Variants in TRPM3 observed in about 807,000 individuals in gnomAD.
TRPM3 encodes the protein transient receptor potential cation channel subfamily M member 3.
In TRPM3, 77 loss-of-function variants were observed where a neutral mutation model predicts 181.2. The observed-to-expected ratio is 0.42, with a 90% confidence interval of 0.35 to 0.51. The LOEUF is 0.51. Ranked by LOEUF, TRPM3 falls within the 20% of genes least tolerant of loss-of-function variation. The pLI, the probability that TRPM3 is intolerant of heterozygous loss-of-function variation, is 0.01. For synonymous variants in TRPM3, 745 were observed against 796.4 expected, an observed-to-expected ratio of 0.94 and a Z score of 1.09; for missense variants, 1,759 against 2,196.7, an observed-to-expected ratio of 0.80 and a Z score of 3.98.
chr9:71,088,796 T>C (rs981905345), intron 1 of TRPM3, among the ~76,000 whole-genome samples: 4 of 151,952 alleles, frequency 2.6e-5, no homozygotes, highest in African/African-American at 9.7e-5. Flanking sequence ...TGAAAGACTC[T>C]CCATGATCCA....
At chr9:71,006,814 T>G (rs1189223887) in intron 1 of TRPM3, among the ~76,000 whole-genome samples, 20 of 142,046 alleles carry the variant, frequency 1.4e-4, no homozygotes, top group African/African-American at 5.3e-4. Flanking sequence ...GAGCTTGCAG[T>G]GAGCCGAGAT....
At chr9:70,591,665 C>A (rs2058134165) in intron 21 of TRPM3, among the ~76,000 whole-genome samples, 1 of 152,152 alleles carries the variant, frequency 6.6e-6, no homozygotes, top group African/African-American at 2.4e-5. Flanking sequence ...ATGCTGTAAA[C>A]CTCCTTTCTA....
chr9:71,168,814 G>A (rs781566320), intron 1 of TRPM3, among the ~76,000 whole-genome samples: 7 of 151,554 alleles, frequency 4.6e-5, no homozygotes, highest in Admixed American at 1.3e-4. Context: ...AATGAGTGAG[G>A]ATACCTGGGT....
intron 1 of TRPM3, among the ~76,000 whole-genome samples, chr9:71,133,973 TTGTGTGTGTG>T (rs72198070): frequency 0.16 from 23,222 of 148,472 alleles, 1,973 homozygotes; most frequent in Middle Eastern, 0.22. Flanking sequence ...CTGTGTGTGT[TTGTGTGTGTG>T]TGTGTGTGTG....
intron 22 of TRPM3, among the ~76,000 whole-genome samples, chr9:70,577,719 C>A (rs369883578): frequency 1.3e-5 from 2 of 152,158 alleles, no homozygotes; most frequent in South Asian, 2.1e-4. Flanking sequence ...ATGTAGACTC[C>A]TGATAGGGTT....
chr9:71,429,448 G>A (rs367675524), intron 1 of TRPM3, among the ~76,000 whole-genome samples: 1 of 152,112 alleles, frequency 6.6e-6, no homozygotes, highest in Admixed American at 6.6e-5. Context: ...AGAAATAAAT[G>A]ATTCAATATA....
chr9:70,640,890 CT>C (rs1454576408), intron 9 of TRPM3, among the ~76,000 whole-genome samples: 5 of 152,140 alleles, frequency 3.3e-5, no homozygotes, highest in African/African-American at 1.2e-4. Context: ...TTTTTAAAAA[CT>C]TTTTAAAAAG....
At chr9:70,616,741 G>A (rs768678650) in intron 17 of TRPM3, among the ~76,000 whole-genome samples, 8 of 152,036 alleles carry the variant, frequency 5.3e-5, no homozygotes, top group Non-Finnish European at 1.0e-4. Flanking sequence ...TGCTGAGAGA[G>A]TCCCCTTACA....
At chr9:71,161,587 G>A (rs1418046176) in intron 1 of TRPM3, among the ~76,000 whole-genome samples, 2 of 152,072 alleles carry the variant, frequency 1.3e-5, no homozygotes, top group African/African-American at 4.8e-5. Context: ...TCTAAGTGTG[G>A]GGTAACTGAA....
At position 70,640,485 on chromosome 9, in the gene TRPM3, A is replaced by G. The variant is rs1017872913; in HGVS notation, c.1446+75T>C. The G allele has an allele frequency of 1.9e-5, 22 of 1,146,000 alleles. No individual in the cohort carries two copies. In the African/African-American group the frequency reaches 2.9e-4, roughly 15 times the overall value. 71.0% of individuals were successfully genotyped at this position (1,146,000 alleles called of 1,614,324 possible). On this transcript the variant is annotated intron_variant, in intron 10 of 25. Transcript: ENST00000677713. ...GAAAAAGCAATCGTTTTCTGAGCTGACCTCAGAGGCTCCTTAAACAAATAC... is the reference window on the plus strand; with the variant it reads ...GAAAAAGCAATCGTTTTCTGAGCTGGCCTCAGAGGCTCCTTAAACAAATAC...
At chr9:70,686,447 GTTCT>G in intron 8 of TRPM3, among the ~76,000 whole-genome samples, 1 of 152,254 alleles carries the variant, frequency 6.6e-6, no homozygotes, top group African/African-American at 2.4e-5. Context: ...TCTGAGGGGA[GTTCT>G]TTAATTTATT....
chr9:71,106,818 G>A lies in TRPM3; in HGVS notation c.177+14360C>T, dbSNP rs147804113. ...ACAGGATAAAATGTTTCTCCACAAT[G>A]AGACAGTTTGCAAAGTTGTTTGGAT... On this transcript the variant is annotated intron_variant, in intron 1 of 25. Coordinates refer to ENST00000677713, the MANE Select transcript of TRPM3 (RefSeq NM_001366145.2). Among the ~76,000 whole-genome samples, 83 of 152,274 alleles carry A rather than the reference G, an allele frequency of 5.5e-4. 2 individuals are homozygous for A. The Middle Eastern group carries it at 0.024, about 44-fold the overall frequency.
At chr9:71,331,804 A>AGGGG (rs2090160482) in intron 1 of TRPM3, among the ~76,000 whole-genome samples, 1 of 51,458 alleles carries the variant, frequency 1.9e-5, no homozygotes, top group Non-Finnish European at 3.8e-5. Context: ...GAGGGAGGAG[A>AGGGG]AAGACGAGGA....
chr9:70,564,666 TC>T (rs1372082666), intron 22 of TRPM3, among the ~76,000 whole-genome samples: 1 of 151,986 alleles, frequency 6.6e-6, no homozygotes, highest in Non-Finnish European at 1.5e-5. Flanking sequence ...GAAGGATCAG[TC>T]CAGTGAGCCA....
intron 1 of TRPM3, among the ~76,000 whole-genome samples, chr9:71,060,517 C>T (rs1157319387): frequency 6.6e-6 from 1 of 152,116 alleles, no homozygotes; most frequent in African/African-American, 2.4e-5. Context: ...CAAACCCAGG[C>T]CTGTCAGACT....
chr9:70,746,873 T>C (rs1028383089), intron 8 of TRPM3, among the ~76,000 whole-genome samples: 2 of 152,116 alleles, frequency 1.3e-5, no homozygotes, highest in African/African-American at 4.8e-5. Context: ...TAGTACTTGG[T>C]TACAATTGCC....
intron 11 of TRPM3, among the ~76,000 whole-genome samples, chr9:70,637,358 G>A (rs945232506): frequency 6.6e-6 from 1 of 152,072 alleles, no homozygotes; most frequent in Non-Finnish European, 1.5e-5. Context: ...GCTATTTACT[G>A]TTCCATAATC....
intron 1 of TRPM3, among the ~76,000 whole-genome samples, chr9:71,055,363 A>G (rs915017071): frequency 2.0e-5 from 3 of 152,064 alleles, no homozygotes; most frequent in African/African-American, 7.2e-5. Flanking sequence ...ATCACTGGAG[A>G]TAGATAATAA....
chr9:70,681,317 G>A (rs893015835), intron 9 of TRPM3, among the ~76,000 whole-genome samples, 189 bp downstream of exon 9: 1 of 152,040 alleles, frequency 6.6e-6, no homozygotes, highest in African/African-American at 2.4e-5. Context: ...ATAAAATTGA[G>A]TCACACTATA....
Sources: gnomAD v4.1 joint callset for allele counts (sites outside exome capture counted in the v4.1 genomes callset) on GRCh38, gnomAD v4.1.1 for gene constraint, MANE v1.5 for transcripts, NCBI Gene and HGNC (gene_info 2026-07-23, HGNC 2026-07-21) for gene names.